SEC31A: variants seen among roughly 807,000 people sequenced by gnomAD.
SEC31A encodes the protein SEC31 homolog A, COPII component.
Under a neutral mutation model 151.0 loss-of-function variants are expected in SEC31A, and 70 were observed. The observed-to-expected ratio is 0.46, with a 90% CI of 0.38 to 0.57. The LOEUF (loss-of-function observed/expected upper bound fraction) is 0.57. Ranked by LOEUF, SEC31A falls within the 20% of genes least tolerant of loss-of-function variation. SEC31A has a pLI of 0.00. For missense variants in SEC31A, 1,330 were observed against 1,471.2 expected (o/e 0.90, Z 1.57); for synonymous variants, 475 against 505.9 (o/e 0.94, Z 0.82).
Position 82,880,801 on chromosome 4 carries a change from G to T in SEC31A, c.201C>A (p.His67Gln). The T allele has an allele frequency of 6.2e-7, 1 of 1,609,812 alleles. No individual in the cohort carries two copies. Among genetic ancestry groups the T allele is most frequent in the Non-Finnish European group, 8.5e-7 (1 of 1,177,980 alleles). The change falls in exon 3 of 27, where the codon CAC becomes CAA. Residue 67 changes from histidine (H) to glutamine (Q), a missense_variant and splice_region_variant. His to Gln is a conservative substitution (Grantham distance 24, BLOSUM62 0). Transcript: ENST00000395310. ...GAATTTAAAGCTGAACCTCATACCT[G>T]TGAGAAGAGGAGAATGTGGCACAAG... Reference protein sequence around the residue: ...MKSCATFSSSHRYHKLIWGPY... With the variant: ...MKSCATFSSSQRYHKLIWGPY...
intron 25 of SEC31A, 44 bp from the exon 26 acceptor site, chr4:82,821,152 T>C (rs1367154097): frequency 6.8e-7 from 1 of 1,481,332 alleles, no homozygotes; most frequent in Non-Finnish European, 9.4e-7. Flanking sequence ...ACATTAACTT[T>C]TAACCTAAGA....
intron 13 of SEC31A, 80 bp from the exon 14 acceptor site, chr4:82,861,788 A>G: frequency 1.2e-6 from 1 of 831,948 alleles, no homozygotes; most frequent in Non-Finnish European, 1.9e-6. Context: ...AAGACAAAAG[A>G]CCCAACCAAC....
chr4:82,855,532 T>C (rs564162473), intron 16 of SEC31A, among the ~76,000 whole-genome samples: 2 of 152,328 alleles, frequency 1.3e-5, no homozygotes, highest in African/African-American at 4.8e-5. Flanking sequence ...TGGGACTCAA[T>C]ACTGGTACAA....
rs759649431 is a variant in SEC31A at position 82,829,062 on chromosome 4, T to A, written c.2969-4A>T. On this transcript the variant is annotated splice_polypyrimidine_tract_variant and splice_region_variant and intron_variant, in intron 22 of 26. Coordinates refer to ENST00000395310, the MANE Select transcript of SEC31A (RefSeq NM_001077207.4). ...TCATTCCAACCATTCTGAGGACCTA[T>A]AACAGATAACAGAGAATGTTTTCCT... 3 of 1,608,738 alleles carry A rather than the reference T, an allele frequency of 1.9e-6. No homozygotes were observed. The highest frequency in any genetic ancestry group is 2.6e-6 in the Non-Finnish European group (3 of 1,175,360).
intron 6 of SEC31A, among the ~76,000 whole-genome samples, chr4:82,872,726 T>TG (rs1451845236): frequency 9.9e-5 from 15 of 151,838 alleles, no homozygotes; most frequent in African/African-American, 3.6e-4. Context: ...TTTTTTGAGA[T>TG]GGAGTCTCGC....
Position 82,855,031 on chromosome 4 carries a change from T to C in SEC31A, c.1882-2A>G. ...CTTCATCACCACTGCAGTGATGAGC[T>C]TGAGAAACGAAAACAAAGGAAGAAT... On this transcript the variant is annotated splice_acceptor_variant, in intron 16 of 26. Transcript: ENST00000395310. LOFTEE classifies it high-confidence loss of function. 6.3e-7 allele frequency: 1 copy of C among 1,587,530 alleles called. No individual in the cohort carries two copies. The highest frequency in any genetic ancestry group is 1.2e-5 in the South Asian group (1 of 85,636).
intron 22 of SEC31A, among the ~76,000 whole-genome samples, chr4:82,839,526 T>C (rs539457585): frequency 2.2e-4 from 33 of 152,350 alleles, no homozygotes; most frequent in African/African-American, 7.7e-4. Context: ...CCTCAGGTGA[T>C]CCACCTGCCT....
intron 19 of SEC31A, 72 bp downstream of exon 19, chr4:82,851,359 A>C: frequency 8.2e-7 from 1 of 1,217,526 alleles, no homozygotes; most frequent in Non-Finnish European, 1.2e-6. Flanking sequence ...TAATATGTTT[A>C]CATCTAATGC....
Position 82,881,933 on chromosome 4 carries a change from T to C in SEC31A, c.4A>G (p.Lys2Glu). M[K>E]LKEVDRTAMQ... ...GCTGTACGATCTACTTCCTTTAACT[T>C]CATCCTGCTAAAGGGAATATTTTAT... The change falls in exon 2 of 27, where the codon AAG (lysine) becomes GAG (glutamate). Residue 2 changes from lysine to glutamate, a missense_variant. Coordinates refer to ENST00000395310, the MANE Select transcript of SEC31A (RefSeq NM_001077207.4). 1 of 1,613,014 alleles carries C rather than the reference T, an allele frequency of 6.2e-7. No homozygotes were observed. Among genetic ancestry groups the C allele is most frequent in the Non-Finnish European group, 8.5e-7 (1 of 1,178,952 alleles).
At chr4:82,888,418 G>C (rs1426435793) in intron 1 of SEC31A, among the ~76,000 whole-genome samples, 7 of 63,318 alleles carry the variant, frequency 1.1e-4, no homozygotes, top group African/African-American at 7.6e-4. Context: ...ACGGCCAGGC[G>C]CAGTGGCTCA....
At chr4:82,875,956 A>G in intron 4 of SEC31A, 134 bp from the exon 5 acceptor site, 1 of 459,004 alleles carries the variant, frequency 2.2e-6, no homozygotes, top group Admixed American at 4.2e-5. Flanking sequence ...TGAAAAACAT[A>G]TGCATGAATT....
chr4:82,851,740 A>G (rs968031788), intron 18 of SEC31A, 136 bp from the exon 19 acceptor site: 4 of 688,060 alleles, frequency 5.8e-6, no homozygotes, highest in Non-Finnish European at 9.5e-6. Flanking sequence ...CTAGAAAAGT[A>G]CAGCCACTAT....
chr4:82,829,204 T>C (rs1048714052), intron 22 of SEC31A, 146 bp from the exon 23 acceptor site: 9 of 619,474 alleles, frequency 1.5e-5, no homozygotes, highest in African/African-American at 1.1e-4. Flanking sequence ...TGGGGATCAC[T>C]ATGTAGCCCT....
chr4:82,894,859 T>C (rs542859524), upstream of SEC31A: 1 of 152,370 alleles, frequency 6.6e-6, no homozygotes, highest in South Asian at 2.1e-4. Context: ...TGTTCAGACA[T>C]GTTATAACAA....
In SEC31A at chr4:82,821,816, C is replaced by T. The variant is rs550674573; in HGVS notation, c.3412-708G>A. Among the ~76,000 whole-genome samples the T allele has an allele frequency of 5.9e-5, 9 of 152,094 alleles. No individual in the cohort carries two copies. The East Asian group carries it at 1.7e-3, about 29-fold the overall frequency. On this transcript the variant is annotated intron_variant, in intron 25 of 26. Transcript: ENST00000395310. ...AAAAGAAGGTCTAAGTAGTTATTGTCGATTATGGGTGGTAGAAGGCAAACA... is the reference window on the plus strand; with the variant it reads ...AAAAGAAGGTCTAAGTAGTTATTGTTGATTATGGGTGGTAGAAGGCAAACA...
intron 19 of SEC31A, among the ~76,000 whole-genome samples, chr4:82,849,457 A>G (rs973216373): frequency 6.6e-6 from 1 of 151,944 alleles, no homozygotes; most frequent in African/African-American, 2.4e-5. Context: ...TACTCAAAAT[A>G]CAAAAAATTA....
rs549961479 is a variant in SEC31A, at chr4:82,827,796, CAAAGT to C, written c.3028-169_3028-165del. Among the ~76,000 whole-genome samples, 1,051 of 152,064 alleles carry C rather than the reference CAAAGT, an allele frequency of 6.9e-3. 4 individuals carry two copies. Among genetic ancestry groups the C allele is most frequent in the Non-Finnish European group, 0.012 (806 of 67,976 alleles). On this transcript the variant is annotated intron_variant, in intron 23 of 26. Coordinates refer to ENST00000395310, the MANE Select transcript of SEC31A (RefSeq NM_001077207.4). The stretch of plus-strand genomic sequence containing the variant: ...GAAATTTTATGCAGAATAAAGTAAA[CAAAGT>C]AAAACATAAAAACAGAGCTGATTTG...
intron 4 of SEC31A, among the ~76,000 whole-genome samples, chr4:82,876,203 C>T (rs1196958733): frequency 6.6e-6 from 1 of 151,094 alleles, no homozygotes; most frequent in South Asian, 2.1e-4. Context: ...TTCCGCCTCC[C>T]GGGTCCAAGT....
chr4:82,826,181 T>C (rs1235401262), intron 24 of SEC31A, among the ~76,000 whole-genome samples: 1 of 152,322 alleles, frequency 6.6e-6, no homozygotes, highest in East Asian at 1.9e-4. Flanking sequence ...CAAAGATAAG[T>C]GGCTGATTAG....
Sources: allele counts gnomAD v4.1 joint callset (sites outside exome capture counted in the v4.1 genomes callset), GRCh38; gene constraint gnomAD v4.1.1; transcripts MANE v1.5; gene names NCBI Gene and HGNC (gene_info 2026-07-23, HGNC 2026-07-21).